The following GABBR2 variants were observed in gnomAD, a reference collection of about 807,000 sequenced individuals.
The protein encoded by GABBR2 is G-protein coupled receptor 51.
In GABBR2, 23 loss-of-function variants were observed where a neutral mutation model predicts 105.6. That is an observed-to-expected ratio of 0.22 (90% CI 0.16 to 0.31). The LOEUF is 0.31. Ranked by LOEUF, GABBR2 falls within the 10% of genes least tolerant of loss-of-function variation. GABBR2 has a pLI of 1.00. For synonymous variants in GABBR2, 478 were observed against 499.7 expected (o/e 0.96, Z 0.58); for missense variants, 734 against 1,245.5 (o/e 0.59, Z 6.18).
intron 8 of GABBR2, among the ~76,000 whole-genome samples, chr9:98,402,913 G>C (rs1021717312): frequency 3.3e-5 from 5 of 152,026 alleles, no homozygotes; most frequent in African/African-American, 1.2e-4. Context: ...GTGTTGATAC[G>C]CATATGCCCC....
At chr9:98,532,624 G>A (rs1828088637) in intron 3 of GABBR2, among the ~76,000 whole-genome samples, 1 of 152,128 alleles carries the variant, frequency 6.6e-6, no homozygotes, top group African/African-American at 2.4e-5. Context: ...CCCACCTGAA[G>A]GCTGCCCATT....
At chr9:98,534,444 G>A (rs1211452381) in intron 3 of GABBR2, among the ~76,000 whole-genome samples, 1 of 152,212 alleles carries the variant, frequency 6.6e-6, no homozygotes, top group Non-Finnish European at 1.5e-5. Flanking sequence ...TAAGGAACCT[G>A]ATTCTGGATG....
Position 98,385,081 on chromosome 9 carries a change from G to A in GABBR2, c.1662+559C>T, listed in dbSNP as rs541640465. On this transcript the variant is annotated intron_variant, in intron 11 of 18. Transcript: ENST00000259455. ...TGGGAGGATCTGTTCCTTCTTAAAC[G>A]ATCCTGACCCTGACTCTGACCCTTG... Among the ~76,000 whole-genome samples the A allele has an allele frequency of 5.3e-5, 8 of 152,220 alleles. 1 individual carries two copies. The South Asian group carries it at 1.2e-3, about 24-fold the overall frequency.
chr9:98,335,764 C>A (rs1283150238), intron 13 of GABBR2, among the ~76,000 whole-genome samples: 1 of 152,206 alleles, frequency 6.6e-6, no homozygotes, highest in Non-Finnish European at 1.5e-5. Flanking sequence ...ATAGTTCAAT[C>A]CAGCTACTGA....
chr9:98,699,239 T>C (rs569662648), intron 1 of GABBR2, among the ~76,000 whole-genome samples: 12 of 152,272 alleles, frequency 7.9e-5, no homozygotes, highest in Admixed American at 6.5e-4. Context: ...AAAGTATTTA[T>C]TTCCTAGGTT....
At chr9:98,563,068 CAAAAAAAAAAAAAAAA>C (rs56185925) in intron 2 of GABBR2, among the ~76,000 whole-genome samples, 10 of 63,024 alleles carry the variant, frequency 1.6e-4, no homozygotes, top group Admixed American at 1.1e-3. Flanking sequence ...AGACCCTGTC[CAAAAAAAAAAAAAAAA>C]AAAAAAAAAA....
At chr9:98,386,773 C>T (rs555042374) in intron 10 of GABBR2, among the ~76,000 whole-genome samples, 59 of 152,292 alleles carry the variant, frequency 3.9e-4, no homozygotes, top group African/African-American at 1.4e-3. Flanking sequence ...GTTCTGTTAA[C>T]CCTTCACATT....
At chr9:98,493,396 A>AG (rs1188379922) in intron 4 of GABBR2, among the ~76,000 whole-genome samples, 10 of 152,044 alleles carry the variant, frequency 6.6e-5, no homozygotes, top group African/African-American at 2.4e-4. Flanking sequence ...TACTGTTTCT[A>AG]CTGTTTTGGA....
intron 2 of GABBR2, chr9:98,555,963 A>G: frequency 6.6e-6 from 1 of 150,800 alleles, no homozygotes; most frequent in East Asian, 2.0e-4. Context: ...CTATGAGCTC[A>G]TTGAGGGCTG....
intron 11 of GABBR2, among the ~76,000 whole-genome samples, chr9:98,375,749 C>A (rs553125947): frequency 8.5e-5 from 13 of 152,342 alleles, no homozygotes; most frequent in South Asian, 4.1e-4. Context: ...AGACTCCCCC[C>A]CTTCTCCCCC....
intron 4 of GABBR2, among the ~76,000 whole-genome samples, chr9:98,494,941 G>A (rs1827248034): frequency 6.6e-6 from 1 of 152,236 alleles, no homozygotes. Flanking sequence ...TGCCCACCAT[G>A]GGGAGATGCC....
intron 7 of GABBR2, among the ~76,000 whole-genome samples, chr9:98,420,209 C>T (rs1425158713): frequency 6.6e-6 from 1 of 152,206 alleles, no homozygotes; most frequent in East Asian, 1.9e-4. Context: ...CCACCTGGCC[C>T]TCCTTGCCCC....
chr9:98,632,148 T>A (rs970493648), intron 1 of GABBR2, among the ~76,000 whole-genome samples: 4 of 152,192 alleles, frequency 2.6e-5, no homozygotes, highest in Non-Finnish European at 5.9e-5. Context: ...GTATCATTTA[T>A]CCTTGTCTTC....
In GABBR2 at chr9:98,290,769, G is replaced by A. The variant is rs56377484; in HGVS notation, c.2661-20C>T. 40,376 of 1,456,220 alleles carry A rather than the reference G, an allele frequency of 0.028. 637 individuals are homozygous for A. Among genetic ancestry groups the A allele is most frequent in the South Asian group, 0.035 (2,211 of 63,474 alleles). 90.2% of individuals were successfully genotyped at this position (1,456,220 alleles called of 1,614,324 possible). ...TGGATGCTGAAGAGAAGGAGAGGGA[G>A]GAGTGTTAGTGAAGGGTAGCTGGGC... On this transcript the variant is annotated intron_variant, in intron 18 of 18. Coordinates refer to ENST00000259455, the MANE Select transcript of GABBR2 (RefSeq NM_005458.8).
intron 1 of GABBR2, among the ~76,000 whole-genome samples, chr9:98,601,304 G>A (rs1437912853): frequency 6.6e-6 from 1 of 152,184 alleles, no homozygotes; most frequent in Non-Finnish European, 1.5e-5. Context: ...ATCATTTGAG[G>A]CCAGGAGTTT....
intron 1 of GABBR2, among the ~76,000 whole-genome samples, chr9:98,578,964 G>A (rs560194906): frequency 6.6e-6 from 1 of 152,302 alleles, no homozygotes; most frequent in African/African-American, 2.4e-5. Flanking sequence ...GGGGGAGCAG[G>A]GAAGGGGTCT....
At chr9:98,575,940 C>T (rs780367446) in intron 2 of GABBR2, among the ~76,000 whole-genome samples, 2 of 152,218 alleles carry the variant, frequency 1.3e-5, no homozygotes, top group Non-Finnish European at 2.9e-5. Flanking sequence ...CGCTCTCCCC[C>T]ATGTCTCCAG....
intron 3 of GABBR2, among the ~76,000 whole-genome samples, chr9:98,531,662 C>T (rs1473119147): frequency 1.3e-5 from 2 of 152,230 alleles, no homozygotes; most frequent in Non-Finnish European, 2.9e-5. Flanking sequence ...TAGTGGGCTG[C>T]ACTTCCCACA....
intron 7 of GABBR2, among the ~76,000 whole-genome samples, chr9:98,426,159 G>A (rs905564627): frequency 9.9e-5 from 15 of 152,186 alleles, no homozygotes; most frequent in Non-Finnish European, 1.9e-4. Flanking sequence ...GGGGCCTCCT[G>A]CCAAGGTTTG....
Sources: gnomAD v4.1 joint callset for allele counts (sites outside exome capture counted in the v4.1 genomes callset) on GRCh38, gnomAD v4.1.1 for gene constraint, MANE v1.5 for transcripts, NCBI Gene and HGNC (gene_info 2026-07-23, HGNC 2026-07-21) for gene names.